The following XAF1 variants were observed in gnomAD, a reference collection of about 807,000 sequenced individuals.
XAF1 encodes XIAP-associated factor 1.
A neutral mutation model predicts 32.3 loss-of-function variants in XAF1; 32 were observed. The observed-to-expected ratio is 0.99, with a 90% CI of 0.75 to 1.33. The LOEUF (loss-of-function observed/expected upper bound fraction) is 1.33. Among genes scored for constraint, XAF1 ranks in the 40% most tolerant of loss-of-function variants. The probability of loss-of-function intolerance (pLI) is 0.00; values close to 1 mark genes in which losing one functional copy is unlikely to be tolerated. For synonymous variants in XAF1, 120 were observed against 125.9 expected, an observed-to-expected ratio of 0.95 and a Z score of 0.31; for missense variants, 379 against 366.0, an observed-to-expected ratio of 1.04 and a Z score of -0.29.
At chr17:6,755,512 C>G, upstream of XAF1, 3 of 989,744 alleles carry the variant, frequency 3.0e-6, no homozygotes, top group Non-Finnish European at 3.6e-6. Flanking sequence ...TCTAAGGACC[C>G]CCAGGAGGAT....
chr17:6,762,012 C>T (rs773903019), intron 4 of XAF1, 143 bp from the exon 5 acceptor site: 22 of 1,540,456 alleles, frequency 1.4e-5, no homozygotes, highest in Middle Eastern at 1.7e-4. Context: ...TCAAGGATGC[C>T]GGCAGCGCAG....
intron 6 of XAF1, chr17:6,771,745 T>A (rs566764289): frequency 6.6e-6 from 1 of 152,082 alleles, no homozygotes; most frequent in Admixed American, 6.5e-5. Context: ...AAAAAATTTA[T>A]TTTTTTTCAA....
chr17:6,760,119 G>A (rs1975061619), intron 3 of XAF1, among the ~76,000 whole-genome samples: 1 of 152,162 alleles, frequency 6.6e-6, no homozygotes, highest in African/African-American at 2.4e-5. Context: ...GGAGGCCAAG[G>A]CGGGTGGATC....
At chr17:6,759,281 G>A in intron 2 of XAF1, 1 of 1,176,948 alleles carries the variant, frequency 8.5e-7, no homozygotes, top group Non-Finnish European at 1.1e-6. Context: ...ATAGGCAAGA[G>A]GTTCTGGTTT....
chr17:6,766,510 A>G (rs78053427), intron 5 of XAF1, among the ~76,000 whole-genome samples: 23 of 152,236 alleles, frequency 1.5e-4, no homozygotes, highest in Admixed American at 1.5e-3. Context: ...TCACTTTTTT[A>G]TACCACCCAT....
chr17:6,772,965 G>A, intron 6 of XAF1, 148 bp from the exon 7 acceptor site: 1 of 640,182 alleles, frequency 1.6e-6, no homozygotes, highest in Non-Finnish European at 2.6e-6. Context: ...CTGGCTCAGT[G>A]GGCTCCTGAC....
intron 5 of XAF1, among the ~76,000 whole-genome samples, chr17:6,766,104 C>T (rs1975613360): frequency 6.6e-6 from 1 of 152,146 alleles, no homozygotes; most frequent in Non-Finnish European, 1.5e-5. Context: ...ACTCCAGGAG[C>T]TAACTCTCTC....
chr17:6,759,603 C>G (rs369399388), intron 2 of XAF1, 59 bp from the exon 3 acceptor site: 1 of 1,604,958 alleles, frequency 6.2e-7, no homozygotes, highest in Non-Finnish European at 8.5e-7. Context: ...TGGGGCAGGC[C>G]CTGGGTGCTG....
At chr17:6,762,384 A>C in intron 5 of XAF1, 144 bp downstream of exon 5, 1 of 772,696 alleles carries the variant, frequency 1.3e-6, no homozygotes, top group East Asian at 2.7e-5. Flanking sequence ...TTTGTTCCAA[A>C]AGATAGTTTA....
At chr17:6,765,056 T>C (rs1975495046) in intron 5 of XAF1, among the ~76,000 whole-genome samples, 1 of 152,182 alleles carries the variant, frequency 6.6e-6, no homozygotes, top group Admixed American at 6.5e-5. Flanking sequence ...GCTTAGTCTC[T>C]GGTCTCTTCT....
intron 6 of XAF1, 142 bp downstream of exon 6, chr17:6,771,126 A>C: frequency 6.2e-6 from 5 of 811,392 alleles, no homozygotes; most frequent in Non-Finnish European, 7.7e-6. Flanking sequence ...GGGTGCCCAA[A>C]TGCACTATCT....
At chr17:6,772,925 GTTAAACT>G in intron 6 of XAF1, 181 bp from the exon 7 acceptor site, 1 of 524,658 alleles carries the variant, frequency 1.9e-6, no homozygotes, top group Non-Finnish European at 3.3e-6. Flanking sequence ...ACAGGCCCCT[GTTAAACT>G]TTGTCGCAAG....
intron 1 of XAF1, among the ~76,000 whole-genome samples, chr17:6,756,488 T>C (rs951815064): frequency 2.6e-5 from 4 of 151,634 alleles, no homozygotes; most frequent in Non-Finnish European, 5.9e-5. Context: ...CCCACGGAGA[T>C]TCTCCAGGAC....
intron 5 of XAF1, among the ~76,000 whole-genome samples, chr17:6,765,396 G>C (rs931061223): frequency 6.6e-6 from 1 of 152,182 alleles, no homozygotes; most frequent in Non-Finnish European, 1.5e-5. Flanking sequence ...CTGGGCGACA[G>C]AGCGAGACTC....
Position 6,773,289 on chromosome 17 carries a change from G to T in XAF1, c.*120G>T. 1.1e-6 allele frequency: 1 copy of T among 888,636 alleles called. No homozygotes were observed. The highest frequency in any genetic ancestry group is 1.6e-6 in the Non-Finnish European group (1 of 614,300). The allele number at this position is 888,636 out of a possible 1,614,324, so 55.0% of individuals were successfully genotyped here. On this transcript the variant is annotated 3_prime_UTR_variant, in exon 7 of 7. Coordinates refer to ENST00000361842, the MANE Select transcript of XAF1 (RefSeq NM_017523.5). Reference sequence around the variant, plus strand: ...GGGTTTTATTCGTTGGGCTTTAAAAGAAAAGGTTTGGCAGAACTAAAAACA... The same window carrying T: ...GGGTTTTATTCGTTGGGCTTTAAAATAAAAGGTTTGGCAGAACTAAAAACA...
At chr17:6,770,584 T>C in intron 5 of XAF1, 59 bp from the exon 6 acceptor site, 1 of 1,393,986 alleles carries the variant, frequency 7.2e-7, no homozygotes, top group South Asian at 1.4e-5. Flanking sequence ...GTCTACTGTA[T>C]TTTCTGACCA....
At chr17:6,755,944 G>C (rs1974617287), upstream of XAF1, 1 of 1,553,890 alleles carries the variant, frequency 6.4e-7, no homozygotes, top group Non-Finnish European at 8.7e-7. Context: ...AGGAATCAAG[G>C]GGAACTCCTG....
rs550340219 is a variant in XAF1 at position 6,761,016 on chromosome 17, T to A, written c.421+415T>A. Among the ~76,000 whole-genome samples the A allele has an allele frequency of 1.1e-4, 17 of 151,868 alleles. No homozygotes were observed. In the East Asian group the frequency reaches 3.1e-3, roughly 28 times the overall value. ...CTAAAAATACAAAATTAGCCGGGCG[T>A]GGTGGCGGACGCCTGTAGTCCCAGC... is the stretch of plus-strand genomic sequence containing the variant. On this transcript the variant is annotated intron_variant, in intron 4 of 6. Transcript: ENST00000361842.
At chr17:6,756,245 T>G (rs1276641592) in intron 1 of XAF1, 135 bp downstream of exon 1, 5 of 1,464,556 alleles carry the variant, frequency 3.4e-6, no homozygotes, top group Non-Finnish European at 3.7e-6. Context: ...CTGGAGACCG[T>G]GGGCCCCAAG....
Sources: allele counts gnomAD v4.1 joint callset (sites outside exome capture counted in the v4.1 genomes callset), GRCh38; gene constraint gnomAD v4.1.1; transcripts MANE v1.5; gene names NCBI Gene and HGNC (gene_info 2026-07-23, HGNC 2026-07-21).